Variants in MMP3 observed in about 807,000 individuals in gnomAD.
MMP3 encodes stromelysin-1.
Under a neutral mutation model 47.3 loss-of-function variants are expected in MMP3, and 46 were observed. The observed-to-expected ratio is 0.97, with a 90% CI of 0.77 to 1.24. The LOEUF is 1.24. MMP3 is among the 50% of genes most tolerant of loss of function. The pLI is 0.00. For synonymous variants in MMP3, 216 were observed against 206.5 expected, an observed-to-expected ratio of 1.05 and a Z score of -0.39; for missense variants, 558 against 565.5, an observed-to-expected ratio of 0.99 and a Z score of 0.13.
rs376063834 is a variant in MMP3, at chr11:102,840,596, A to G, written c.626-3T>C. The stretch of plus-strand genomic sequence containing the variant: ...AGCAACGAGAAATAAATTGGTCCCT[A>G]TTTAAGAAATTGAGAACAATAGTTA... On this transcript the variant is annotated splice_polypyrimidine_tract_variant and splice_region_variant and intron_variant, in intron 4 of 9. Coordinates refer to ENST00000299855, the MANE Select transcript of MMP3 (RefSeq NM_002422.5). 2.2e-5 allele frequency: 36 copies of G among 1,613,318 alleles called. No homozygotes were observed. Among genetic ancestry groups the G allele is most frequent in the Non-Finnish European group, 3.0e-5 (35 of 1,179,790 alleles).
Position 102,836,639 on chromosome 11 carries a change from TC to T in MMP3, c.1334-414del. ...CTATTTCTTTCTTCCCCAAAAATCCTCCTCCCTTTTCCCTGCATTGCAGCCT... is the reference window on the plus strand; with the variant it reads ...CTATTTCTTTCTTCCCCAAAAATCCTCTCCCTTTTCCCTGCATTGCAGCCT... On this transcript the variant is annotated intron_variant, in intron 9 of 9. Transcript: ENST00000299855. The surrounding 1 kb of genome is among the most constrained non-coding windows in gnomAD (Gnocchi z 4.6). 1 of 457,312 alleles carries T rather than the reference TC, an allele frequency of 2.2e-6. No homozygotes were observed. Among genetic ancestry groups the T allele is most frequent in the Non-Finnish European group, 4.5e-6 (1 of 219,968 alleles). The allele number at this position is 457,312 out of a possible 1,614,324, so 28.3% of individuals were successfully genotyped here. A position where few individuals can be genotyped will look rare whatever the true frequency, so the allele number is the denominator to read the frequency against.
rs1858976832 is a variant in MMP3 at position 102,840,515 on chromosome 11, A to T, written c.704T>A (p.Leu235Ter). 6.2e-7 allele frequency: 1 copy of T among 1,614,164 alleles called. No homozygotes were observed. ...GLFHSANTEA[L>*]MYPLYHSLTD... ...GAGTGAGTGATAGAGTGGGTACATC[A>T]AAGCTTCAGTGTTGGCTGAGTGAAA... Residue 235 changes from leucine to a stop codon, truncating the protein, a stop_gained, in exon 5 of 10, where the codon TTG becomes TAG. Transcript: ENST00000299855. LOFTEE classifies it high-confidence loss of function.
intron 1 of MMP3, 31 bp from the exon 2 acceptor site, chr11:102,842,947 T>C: frequency 1.3e-6 from 2 of 1,524,264 alleles, no homozygotes. Context: ...TTTAGGTCAC[T>C]CTTACAATTT....
chr11:102,839,493 G>T (rs1222476372), intron 6 of MMP3, among the ~76,000 whole-genome samples: 1 of 152,192 alleles, frequency 6.6e-6, no homozygotes, highest in Non-Finnish European at 1.5e-5. Context: ...TCGTGCAAAT[G>T]AATTAGCCCA....
At chr11:102,838,733 AG>A (rs1555004976) in intron 7 of MMP3, 23 bp from the exon 8 acceptor site, 1 of 1,573,188 alleles carries the variant, frequency 6.4e-7, no homozygotes, top group African/African-American at 1.7e-5. Flanking sequence ...AATAATTCAG[AG>A]TCATATTGAA....
At chr11:102,840,325 C>T (rs782779232) in intron 5 of MMP3, 73 bp from the exon 6 acceptor site, 33 of 1,588,028 alleles carry the variant, frequency 2.1e-5, no homozygotes, top group Non-Finnish European at 2.7e-5. Flanking sequence ...AACATTCTCA[C>T]GGTGCTTTGA....
In MMP3 at chr11:102,836,098, C is replaced by T; in HGVS notation, c.*28G>A. 6.8e-7 allele frequency: 1 copy of T among 1,480,698 alleles called. No individual in the cohort carries two copies. Among genetic ancestry groups the T allele is most frequent in the South Asian group, 1.1e-5 (1 of 87,162 alleles). The allele number at this position is 1,480,698 out of a possible 1,614,324, so 91.7% of individuals were successfully genotyped here. ...AGAATTATTAGCTTCATTTAAAGTG[C>T]CCATATTGTGCCTTCTACATATCTC... On this transcript the variant is annotated 3_prime_UTR_variant, in exon 10 of 10. Transcript: ENST00000299855. This position sits in a 1 kb window ranked among gnomAD's most constrained non-coding sequence, Gnocchi z 4.6.
At chr11:102,838,070 A>T (rs564508249) in intron 8 of MMP3, among the ~76,000 whole-genome samples, 6 of 152,284 alleles carry the variant, frequency 3.9e-5, no homozygotes, top group Admixed American at 3.9e-4. Context: ...GCCCTTGAAA[A>T]TCATATAGTA....
At chr11:102,841,666 A>T (rs949370189) in intron 4 of MMP3, among the ~76,000 whole-genome samples, 10 of 152,134 alleles carry the variant, frequency 6.6e-5, no homozygotes, top group African/African-American at 2.4e-4. Flanking sequence ...GAACAAGCCC[A>T]TAAAAATTCT....
Position 102,842,856 on chromosome 11 carries a change from C to T in MMP3, c.166G>A (p.Asp56Asn), listed in dbSNP as rs1555005824. The T allele has an allele frequency of 1.9e-6, 3 of 1,613,382 alleles. No individual in the cohort carries two copies. Among genetic ancestry groups the T allele is most frequent in the East Asian group, 2.2e-5 (1 of 44,862 alleles). Reference sequence around the variant, plus strand: ...ATTTTTTTAACAACAGGACCACTGTCCTTTCTCCTAACAAACTGTTTCACA... The same window carrying T: ...ATTTTTTTAACAACAGGACCACTGTTCTTTCTCCTAACAAACTGTTTCACA... ...KDVKQFVRRK[D>N]SGPVVKKIRE... Residue 56 changes from aspartate (D) to asparagine (N), a missense_variant, in exon 2 of 10, where the codon GAC (aspartate) becomes AAC (asparagine). By Grantham distance (23) the Asp-to-Asn change is conservative. Transcript: ENST00000299855.
At chr11:102,841,027 T>A (rs190641430) in intron 4 of MMP3, among the ~76,000 whole-genome samples, 11 of 152,354 alleles carry the variant, frequency 7.2e-5, no homozygotes, top group Admixed American at 6.5e-4. Context: ...TAAAGGAAAC[T>A]ATATTCATGT....
At position 102,840,470 on chromosome 11, in the gene MMP3, C is replaced by A. The variant is rs148047905; in HGVS notation, c.749G>T (p.Arg250Leu). Residue 250 changes from arginine (R) to leucine (L), a missense_variant, in exon 5 of 10, where the codon CGC (arginine) becomes CTC (leucine). Transcript: ENST00000299855. The part of the protein sequence containing the change: ...YHSLTDLTRF[R>L]LSQDDINGIQ... ...GCCATTTATATCATCTTGAGACAGGCGGAACCGAGTCAGGTCTGTGAGTGA... is the reference window on the plus strand; with the variant it reads ...GCCATTTATATCATCTTGAGACAGGAGGAACCGAGTCAGGTCTGTGAGTGA... 1.2e-6 allele frequency: 2 copies of A among 1,613,902 alleles called. No homozygotes were observed. Among genetic ancestry groups the A allele is most frequent in the Non-Finnish European group, 1.7e-6 (2 of 1,180,002 alleles).
intron 3 of MMP3, 25 bp downstream of exon 3, chr11:102,842,406 T>TTGC: frequency 2.2e-6 from 1 of 447,996 alleles, no homozygotes; most frequent in East Asian, 7.5e-5. Context: ...TTGTTTTGCT[T>TTGC]TTTTTTTTTT....
rs1163511331 is a variant in MMP3, at chr11:102,842,025, A to G, written c.625+129T>C. 7.8e-6 allele frequency: 7 copies of G among 892,804 alleles called. No individual in the cohort carries two copies. In the Admixed American group the frequency reaches 2.5e-4, roughly 32 times the overall value. 55.3% of individuals were successfully genotyped at this position (892,804 alleles called of 1,614,324 possible). On this transcript the variant is annotated intron_variant, in intron 4 of 9. Coordinates refer to ENST00000299855, the MANE Select transcript of MMP3 (RefSeq NM_002422.5). ...TTTCAATAATAATTAAAACAAAAAT[A>G]TATTCTGCTGATCTCTGATCCACTG... is the stretch of plus-strand genomic sequence containing the variant.
chr11:102,842,749 C>A lies in MMP3; in HGVS notation c.273G>T (p.Arg91Ser), dbSNP rs922877596. ...AGTGACCAACATCAGGAACTCCACA[C>A]CTGGGCTTGCGCATCACCTCCAGAG... ...SDTLEVMRKPRCGVPDVGHFR... is the reference protein window; with the variant it reads ...SDTLEVMRKPSCGVPDVGHFR... The change falls in exon 2 of 10, where the codon AGG becomes AGT. Residue 91 changes from arginine (R) to serine (S), a missense_variant. By Grantham distance (110) the Arg-to-Ser change is moderately radical. Transcript: ENST00000299855. 3.1e-6 allele frequency: 5 copies of A among 1,613,858 alleles called. No individual in the cohort carries two copies. The highest frequency in any genetic ancestry group is 4.2e-6 in the Non-Finnish European group (5 of 1,179,978).
At position 102,837,787 on chromosome 11, in the gene MMP3, G is replaced by T. The variant is rs1858911057; in HGVS notation, c.1230-386C>A. 1.3e-5 allele frequency among the ~76,000 whole-genome samples: 2 copies of T among 152,094 alleles called. No individual in the cohort carries two copies. Among genetic ancestry groups the T allele is most frequent in the Non-Finnish European group, 2.9e-5 (2 of 68,038 alleles). On this transcript the variant is annotated intron_variant, in intron 8 of 9. Transcript: ENST00000299855. This position sits in a 1 kb window ranked among gnomAD's most constrained non-coding sequence, Gnocchi z 4.4. ...TACCACAATTGGCCCATATATGCCT[G>T]CTGTCCCCTCCCCTGCACATCTAAA...
rs1555005040 is a variant in MMP3 at position 102,839,139 on chromosome 11, G to A, written c.1040C>T (p.Thr347Ile). Reference protein sequence around the residue: ...PSGVDAAYEVTSKDLVFIFKG... With the variant: ...PSGVDAAYEVISKDLVFIFKG... ...AAAAATGAAAACGAGGTCCTTGCTAGTAACTTCATATGCGGCATCCACGCC... is the reference window on the plus strand; with the variant it reads ...AAAAATGAAAACGAGGTCCTTGCTAATAACTTCATATGCGGCATCCACGCC... The change falls in exon 7 of 10, where the codon ACT (threonine) becomes ATT (isoleucine). Residue 347 changes from threonine (T) to isoleucine (I), a missense_variant. Transcript: ENST00000299855. 3 of 1,613,956 alleles carry A rather than the reference G, an allele frequency of 1.9e-6. No homozygotes were observed. The highest frequency in any genetic ancestry group is 2.5e-6 in the Non-Finnish European group (3 of 1,179,948).
At position 102,842,428 on chromosome 11, in the gene MMP3, T is replaced by TTTTTTCTTTTA; in HGVS notation, c.499+2_499+3insTAAAAGAAAAA. ...GCTTTTTTTTTTTTTTTTTTTTTTTTACCTCTAACTGCAAAAGAGATCATT... is the reference window on the plus strand; with the variant it reads ...GCTTTTTTTTTTTTTTTTTTTTTTTTTTTTTCTTTTAACCTCTAACTGCAAAAGAGATCATT... On this transcript the variant is annotated splice_region_variant and intron_variant, in intron 3 of 9. Transcript: ENST00000299855. 7.9e-7 allele frequency: 1 copy of TTTTTTCTTTTA among 1,268,836 alleles called. No individual in the cohort carries two copies. The highest frequency in any genetic ancestry group is 1.3e-5 in the South Asian group (1 of 74,114). The allele number at this position is 1,268,836 out of a possible 1,614,324, so 78.6% of individuals were successfully genotyped here. A position where few individuals can be genotyped will look rare whatever the true frequency, so the allele number is the denominator to read the frequency against.
In MMP3 at chr11:102,842,708, C is replaced by T. The variant is rs1555005757; in HGVS notation, c.314G>A (p.Gly105Asp). The T allele has an allele frequency of 8.7e-6, 14 of 1,613,944 alleles. No homozygotes were observed. Among genetic ancestry groups the T allele is most frequent in the Non-Finnish European group, 1.2e-5 (14 of 1,179,966 alleles). The change falls in exon 2 of 10, where the codon GGC (glycine) becomes GAC (aspartate). Residue 105 changes from glycine to aspartate, a missense_variant. By Grantham distance (94) the Gly-to-Asp change is moderately conservative (BLOSUM62 -1). Transcript: ENST00000299855. ...GTGGGTTTTCCTCCACTTCGGGATG[C>T]CAGGAAAGGTTCTGAAGTGACCAAC... ...PDVGHFRTFP[G>D]IPKWRKTHLT...
Sources: gnomAD v4.1 joint callset for allele counts (sites outside exome capture counted in the v4.1 genomes callset) on GRCh38, gnomAD v4.1.1 for gene constraint, Gnocchi (gnomAD v3.1) non-coding constraint, MANE v1.5 for transcripts, NCBI Gene and HGNC (gene_info 2026-07-23, HGNC 2026-07-21) for gene names.